Variants in AMZ2 observed in about 807,000 individuals in gnomAD.
AMZ2 encodes the protein archaelysin family metallopeptidase 2.
AMZ2 carries 26 observed loss-of-function variants against 36.7 expected under a neutral mutation model. The observed-to-expected ratio is 0.71, with a 90% confidence interval of 0.52 to 0.98. The LOEUF (loss-of-function observed/expected upper bound fraction) is 0.98. AMZ2 is among the 50% of genes least tolerant of loss of function. The pLI is 0.00. For missense variants in AMZ2, 394 were observed against 430.5 expected (o/e 0.92, Z 0.75); for synonymous variants, 144 against 149.1 (o/e 0.97, Z 0.25).
intron 1 of AMZ2, among the ~76,000 whole-genome samples, chr17:68,212,030 G>T (rs1309288366): frequency 1.3e-5 from 2 of 151,772 alleles, no homozygotes; most frequent in South Asian, 2.1e-4. Context: ...TATATCTCCA[G>T]AAAAATATGC....
At chr17:68,226,605 T>C (rs2073522257) in intron 1 of AMZ2, among the ~76,000 whole-genome samples, 1 of 152,206 alleles carries the variant, frequency 6.6e-6, no homozygotes, top group Non-Finnish European at 1.5e-5. Context: ...CTCCAGTGAC[T>C]TAGGTGGCAC....
chr17:68,243,571 A>C (rs1188964530), upstream of AMZ2, among the ~76,000 whole-genome samples: 1 of 152,244 alleles, frequency 6.6e-6, no homozygotes, highest in Non-Finnish European at 1.5e-5. Flanking sequence ...TCATAATTAT[A>C]AATAATATTT....
At chr17:68,210,828 G>A (rs1599259852) in intron 1 of AMZ2, among the ~76,000 whole-genome samples, 1 of 151,750 alleles carries the variant, frequency 6.6e-6, no homozygotes, top group Middle Eastern at 3.4e-3. Context: ...TGTGCCTGTG[G>A]TCCTAGTTAC....
At chr17:68,244,518 C>T (rs1248373940), upstream of AMZ2, among the ~76,000 whole-genome samples, 4 of 152,080 alleles carry the variant, frequency 2.6e-5, no homozygotes, top group African/African-American at 9.7e-5. Context: ...AACTCCTGAC[C>T]TCAAGTGATC....
chr17:68,222,011 A>G (rs180983244), intron 1 of AMZ2, among the ~76,000 whole-genome samples: 1 of 152,370 alleles, frequency 6.6e-6, no homozygotes, highest in African/African-American at 2.4e-5. Flanking sequence ...GTACAGGAAA[A>G]GCAAGATAGC....
At chr17:68,232,895 C>T (rs1250210384) in intron 1 of AMZ2, among the ~76,000 whole-genome samples, 2 of 152,238 alleles carry the variant, frequency 1.3e-5, no homozygotes, top group Non-Finnish European at 2.9e-5. Context: ...GCATCAACTT[C>T]CAGGCTGAGA....
chr17:68,247,836 G>C (rs1437348221), upstream of AMZ2: 1 of 985,418 alleles, frequency 1.0e-6, no homozygotes, highest in Non-Finnish European at 1.2e-6. Context: ...GTGGACAGCT[G>C]GGGCTTGTAG....
chr17:68,234,687 T>A (rs1419402394), intron 1 of AMZ2, among the ~76,000 whole-genome samples: 2 of 151,818 alleles, frequency 1.3e-5, no homozygotes, highest in Non-Finnish European at 2.9e-5. Flanking sequence ...GAAGGAATGC[T>A]TGAGCCCAGA....
chr17:68,240,891 G>A (rs1747470256), intron 1 of AMZ2, among the ~76,000 whole-genome samples: 2 of 152,150 alleles, frequency 1.3e-5, no homozygotes, highest in Admixed American at 6.5e-5. Context: ...AAGTATGAGG[G>A]CAGAATAAAA....
chr17:68,253,293 T>C (rs1388090653), intron 4 of AMZ2, among the ~76,000 whole-genome samples: 1 of 152,234 alleles, frequency 6.6e-6, no homozygotes, highest in African/African-American at 2.4e-5. Flanking sequence ...TGAGGAAGTT[T>C]GTTTTTGAAT....
At chr17:68,240,611 G>A (rs118086028) in intron 1 of AMZ2, among the ~76,000 whole-genome samples, 16 of 152,224 alleles carry the variant, frequency 1.1e-4, no homozygotes, top group African/African-American at 2.6e-4. Context: ...GTATCGAAGC[G>A]CCTGCTAAGT....
chr17:68,239,544 G>T (rs1200255622), intron 1 of AMZ2, among the ~76,000 whole-genome samples: 6 of 152,178 alleles, frequency 3.9e-5, no homozygotes, highest in South Asian at 2.1e-4. Context: ...AGTCCTTGTG[G>T]CAGTATGGGT....
chr17:68,207,284 G>T, intron 1 of AMZ2: 1 of 145,776 alleles, frequency 6.9e-6, no homozygotes, highest in Non-Finnish European at 1.5e-5. Context: ...AGTTTCTCTA[G>T]ACTGTTGCTA....
Position 68,250,889 on chromosome 17 carries a change from C to A in AMZ2, c.379C>A (p.Leu127Ile), listed in dbSNP as rs782285830. ...AYFYGLRVKL[L>I]EPVPVSVTRC... The stretch of plus-strand genomic sequence containing the variant: ...TTTCTATGGCTTGAGAGTAAAACTC[C>A]TAGAACCAGTTCCTGTTTCTGTAAC... Residue 127 changes from leucine to isoleucine, a missense_variant, in exon 3 of 7, where the codon CTA becomes ATA. Physicochemically the swap from Leu to Ile is conservative, Grantham distance 5 (BLOSUM62 2). Coordinates refer to ENST00000359904, the MANE Select transcript of AMZ2 (RefSeq NM_016627.5). 3 of 1,610,752 alleles carry A rather than the reference C, an allele frequency of 1.9e-6. No homozygotes were observed. The highest frequency in any genetic ancestry group is 1.7e-5 in the Admixed American group (1 of 59,008).
intron 1 of AMZ2, among the ~76,000 whole-genome samples, chr17:68,230,202 A>G (rs1448426103): frequency 1.3e-5 from 2 of 152,098 alleles, no homozygotes; most frequent in Non-Finnish European, 2.9e-5. Context: ...CCTCCTGAAT[A>G]GCTGGGATTA....
chr17:68,226,724 G>C (rs1307046024), intron 1 of AMZ2, among the ~76,000 whole-genome samples: 1 of 151,840 alleles, frequency 6.6e-6, no homozygotes, highest in Non-Finnish European at 1.5e-5. Flanking sequence ...AGTGGTCTTG[G>C]GACTGTCTTC....
In AMZ2 at chr17:68,250,256, A is replaced by C; in HGVS notation, c.69A>C (p.Val23=). The C allele has an allele frequency of 6.2e-7, 1 of 1,614,206 alleles. No homozygotes were observed. Among genetic ancestry groups the C allele is most frequent in the Non-Finnish European group, 8.5e-7 (1 of 1,180,034 alleles). Residue 23 remains valine (V), a synonymous_variant, in exon 2 of 7, where the codon GTA becomes GTC. Transcript: ENST00000359904. The part of the protein sequence containing the change: ...TALISKNPVL[V]SQYEKLNAGE... ...TCATCTCAAAGAACCCAGTGCTTGT[A>C]TCACAGTATGAGAAATTAAATGCTG...
Position 68,257,008 on chromosome 17 carries a change from T to A in AMZ2, c.*39T>A, listed in dbSNP as rs781794441. Reference sequence around the variant, plus strand: ...GGAGTGATTGAAATAAATAACTACTTGCATGTTATGCTTTCATTTGGGTGG... The same window carrying A: ...GGAGTGATTGAAATAAATAACTACTAGCATGTTATGCTTTCATTTGGGTGG... On this transcript the variant is annotated 3_prime_UTR_variant, in exon 7 of 7. Transcript: ENST00000359904. 19 of 1,589,506 alleles carry A rather than the reference T, an allele frequency of 1.2e-5. No homozygotes were observed. The Admixed American group carries it at 2.9e-4, about 25-fold the overall frequency.
At chr17:68,249,930 C>A in intron 1 of AMZ2, 1 of 457,028 alleles carries the variant, frequency 2.2e-6, no homozygotes, top group Non-Finnish European at 3.9e-6. Flanking sequence ...TGAGCCACCA[C>A]ACCTGGCCAC....
Sources: gnomAD v4.1 joint callset for allele counts (sites outside exome capture counted in the v4.1 genomes callset) on GRCh38, gnomAD v4.1.1 for gene constraint, MANE v1.5 for transcripts, NCBI Gene and HGNC (gene_info 2026-07-23, HGNC 2026-07-21) for gene names.